Variants in PIGK observed in about 807,000 individuals in gnomAD.
The protein encoded by PIGK is phosphatidylinositol glycan anchor biosynthesis class K.
PIGK carries 42 observed loss-of-function variants against 50.6 expected under a neutral mutation model. The observed-to-expected ratio is 0.83, with a 90% CI of 0.65 to 1.07. The LOEUF is 1.07. Ranked by LOEUF, PIGK falls within the 50% of genes least tolerant of loss-of-function variation. PIGK has a pLI of 0.00. For missense variants in PIGK, 448 were observed against 488.7 expected (o/e 0.92, Z 0.78); for synonymous variants, 151 against 156.0 (o/e 0.97, Z 0.24).
chr1:77,116,595 T>C (rs12136128), intron 10 of PIGK, among the ~76,000 whole-genome samples: 35,977 of 92,128 alleles, frequency 0.39, 5,152 homozygotes, highest in Non-Finnish European at 0.46. Context: ...TGTGTGTGTG[T>C]GCGCGTGTGT....
intron 10 of PIGK, among the ~76,000 whole-genome samples, chr1:77,115,294 A>G (rs953875887): frequency 1.3e-5 from 2 of 152,250 alleles, no homozygotes; most frequent in Non-Finnish European, 2.9e-5. Context: ...AAATATCCCA[A>G]TTACAAGAGT....
chr1:77,123,369 T>C (rs1228832584), intron 9 of PIGK, among the ~76,000 whole-genome samples: 1 of 152,076 alleles, frequency 6.6e-6, no homozygotes, highest in African/African-American at 2.4e-5. Flanking sequence ...AGGGCTTCAG[T>C]TAAGGAATCT....
intron 10 of PIGK, among the ~76,000 whole-genome samples, chr1:77,117,651 T>C (rs1654009967): frequency 6.6e-6 from 1 of 152,220 alleles, no homozygotes; most frequent in Non-Finnish European, 1.5e-5. Flanking sequence ...TGATGGAAGT[T>C]AGGGCTCAGC....
chr1:77,192,313 T>C (rs1655927030), intron 3 of PIGK, among the ~76,000 whole-genome samples: 1 of 152,142 alleles, frequency 6.6e-6, no homozygotes. Context: ...TTAGAAGATA[T>C]TAACAAATCT....
chr1:77,162,776 T>C (rs1276371545), intron 6 of PIGK, among the ~76,000 whole-genome samples: 1 of 152,100 alleles, frequency 6.6e-6, no homozygotes, highest in Admixed American at 6.5e-5. Flanking sequence ...GGAGACACAA[T>C]TAATATGACA....
intron 10 of PIGK, among the ~76,000 whole-genome samples, chr1:77,105,365 A>T (rs1487661237): frequency 1.3e-5 from 2 of 151,992 alleles, no homozygotes; most frequent in South Asian, 2.1e-4. Flanking sequence ...ATTGGGAGAG[A>T]GTGGGCAAAC....
chr1:77,136,345 C>T (rs1194096622), intron 9 of PIGK, among the ~76,000 whole-genome samples: 5 of 151,464 alleles, frequency 3.3e-5, no homozygotes, highest in Non-Finnish European at 7.4e-5. Context: ...CCGGCTAAAA[C>T]GGTGAAACCC....
chr1:77,112,710 T>C (rs1653882207), intron 10 of PIGK, among the ~76,000 whole-genome samples: 1 of 152,060 alleles, frequency 6.6e-6, no homozygotes. Context: ...ATAATGCACC[T>C]TTTTTTCCCT....
At chr1:77,208,192 C>T (rs1265622113) in intron 2 of PIGK, among the ~76,000 whole-genome samples, 1 of 152,084 alleles carries the variant, frequency 6.6e-6, no homozygotes, top group Non-Finnish European at 1.5e-5. Flanking sequence ...CACCACTGCA[C>T]TCCAGCCTGG....
intron 1 of PIGK, among the ~76,000 whole-genome samples, chr1:77,216,609 AGT>A (rs897948809): frequency 2.6e-5 from 4 of 151,814 alleles, no homozygotes; most frequent in South Asian, 4.1e-4. Flanking sequence ...CTGAACAAAA[AGT>A]GTGTGTGTGG....
At chr1:77,196,777 C>T (rs1311903976) in intron 3 of PIGK, among the ~76,000 whole-genome samples, 1 of 152,110 alleles carries the variant, frequency 6.6e-6, no homozygotes, top group East Asian at 1.9e-4. Flanking sequence ...TGTCCGTTTA[C>T]TCTGTTGATA....
intron 8 of PIGK, among the ~76,000 whole-genome samples, 180 bp downstream of exon 8, chr1:77,161,115 C>T (rs944867710): frequency 4.6e-5 from 7 of 152,120 alleles, no homozygotes; most frequent in Non-Finnish European, 8.8e-5. Context: ...AAACATCAGG[C>T]CTCTTGTAGA....
At chr1:77,110,760 G>A (rs1370332574) in intron 10 of PIGK, among the ~76,000 whole-genome samples, 4 of 152,148 alleles carry the variant, frequency 2.6e-5, no homozygotes, top group African/African-American at 4.8e-5. Context: ...ATTGACAAAT[G>A]GGATCTAATT....
rs892391149 is a variant in PIGK, at chr1:77,090,080, C to T, written c.*2294G>A. 4.6e-5 allele frequency: 7 copies of T among 152,214 alleles called. No homozygotes were observed. The South Asian group carries it at 1.2e-3, about 27-fold the overall frequency. The allele number at this position is 152,214 out of a possible 1,614,324, so 9.4% of individuals were successfully genotyped here. Reference sequence around the variant, plus strand: ...AGCCGACATAAGAACAATAATGCCACCATATATTTACAATTTCAGAAGTGT... The same window carrying T: ...AGCCGACATAAGAACAATAATGCCATCATATATTTACAATTTCAGAAGTGT... On this transcript the variant is annotated 3_prime_UTR_variant, in exon 11 of 11. Coordinates refer to ENST00000370812, the MANE Select transcript of PIGK (RefSeq NM_005482.3).
intron 6 of PIGK, among the ~76,000 whole-genome samples, chr1:77,163,159 G>A (rs1247540641): frequency 6.6e-6 from 1 of 152,076 alleles, no homozygotes; most frequent in East Asian, 1.9e-4. Context: ...TCCACACATT[G>A]CTTATGCTTT....
intron 9 of PIGK, among the ~76,000 whole-genome samples, chr1:77,133,532 C>T (rs1654429087): frequency 6.6e-6 from 1 of 152,028 alleles, no homozygotes; most frequent in Non-Finnish European, 1.5e-5. Flanking sequence ...TTACGGTGTA[C>T]TAGTAATTTT....
rs186163208 is a variant in PIGK, at chr1:77,215,862, A to G, written c.93+3448T>C. 3.2e-4 allele frequency among the ~76,000 whole-genome samples: 49 copies of G among 152,304 alleles called. 1 individual carries two copies. The highest frequency in any genetic ancestry group is 3.0e-3 in the Admixed American group (46 of 15,294). ...CAGAAATTTAAATTTTTTAATTTCA[A>G]TATCACCCAGATACGGACATTTTTA... On this transcript the variant is annotated intron_variant, in intron 1 of 10. Transcript: ENST00000370812.
At chr1:77,101,737 G>A (rs1156453050) in intron 10 of PIGK, among the ~76,000 whole-genome samples, 2 of 152,108 alleles carry the variant, frequency 1.3e-5, no homozygotes, top group African/African-American at 4.8e-5. Flanking sequence ...CAGGTGCGGT[G>A]GCTCACACCT....
intron 9 of PIGK, among the ~76,000 whole-genome samples, chr1:77,125,861 C>A (rs951403478): frequency 1.3e-5 from 2 of 152,102 alleles, no homozygotes; most frequent in African/African-American, 4.8e-5. Flanking sequence ...ATGGAAAATT[C>A]TCTTTCTGAT....
Sources: gnomAD v4.1 joint callset for allele counts (sites outside exome capture counted in the v4.1 genomes callset) on GRCh38, gnomAD v4.1.1 for gene constraint, MANE v1.5 for transcripts, NCBI Gene and HGNC (gene_info 2026-07-23, HGNC 2026-07-21) for gene names.